The following LIN7A variants were observed in gnomAD, a reference collection of about 807,000 sequenced individuals.
The protein encoded by LIN7A is lin-7 cell polarity scaffold A.
A neutral mutation model predicts 29.8 loss-of-function variants in LIN7A; 25 were observed. The ratio of observed to expected loss-of-function variants is 0.84; its 90% CI spans 0.61 to 1.17. LIN7A has a LOEUF of 1.17. Ranked by LOEUF, LIN7A falls within the 50% of genes most tolerant of loss-of-function variation. LIN7A has a pLI of 0.00. For missense variants in LIN7A, 239 were observed against 287.0 expected, an observed-to-expected ratio of 0.83 and a Z score of 1.21; for synonymous variants, 118 against 107.5, an observed-to-expected ratio of 1.10 and a Z score of -0.60.
At chr12:80,929,001 A>G (rs989526494) in intron 1 of LIN7A, among the ~76,000 whole-genome samples, 2 of 152,144 alleles carry the variant, frequency 1.3e-5, no homozygotes, top group African/African-American at 4.8e-5. Context: ...TTTCTACATT[A>G]TTAATATTAA....
chr12:80,865,864 C>T (rs986646603), intron 2 of LIN7A, among the ~76,000 whole-genome samples: 1 of 152,156 alleles, frequency 6.6e-6, no homozygotes, highest in African/African-American at 2.4e-5. Context: ...CCAGGATTCA[C>T]AATAAGCTGT....
intron 1 of LIN7A, among the ~76,000 whole-genome samples, chr12:80,932,093 G>A (rs986534384): frequency 6.6e-6 from 1 of 152,320 alleles, no homozygotes; most frequent in Non-Finnish European, 1.5e-5. Flanking sequence ...AGTGAATAAA[G>A]CTGATTAGAA....
chr12:80,835,916 C>T (rs541881034), intron 4 of LIN7A, among the ~76,000 whole-genome samples: 1 of 151,902 alleles, frequency 6.6e-6, no homozygotes, highest in South Asian at 2.1e-4. Context: ...GAAAATTGCT[C>T]TTAAGTTGTT....
At chr12:80,863,814 A>T (rs1873997464) in intron 2 of LIN7A, among the ~76,000 whole-genome samples, 1 of 152,184 alleles carries the variant, frequency 6.6e-6, no homozygotes, top group African/African-American at 2.4e-5. Context: ...ATGATGCTTA[A>T]CCATAGGGTA....
intron 4 of LIN7A, among the ~76,000 whole-genome samples, chr12:80,838,619 A>G (rs1330471582): frequency 6.6e-6 from 1 of 152,206 alleles, no homozygotes; most frequent in Non-Finnish European, 1.5e-5. Context: ...TTAGAACTGA[A>G]ATTTCAGCTT....
chr12:80,826,440 C>G (rs138735282), intron 4 of LIN7A, among the ~76,000 whole-genome samples: 226 of 152,228 alleles, frequency 1.5e-3, no homozygotes, highest in Non-Finnish European at 2.8e-3. Flanking sequence ...TGCATCTCAT[C>G]CTCTCCTCCC....
rs117463230 is a variant in LIN7A at position 80,849,101 on chromosome 12, G to A, written c.202-779C>T. 3.1e-3 allele frequency among the ~76,000 whole-genome samples: 466 copies of A among 152,220 alleles called. 1 individual carries two copies. Among genetic ancestry groups the A allele is most frequent in the South Asian group, 8.3e-3 (40 of 4,830 alleles). On this transcript the variant is annotated intron_variant, in intron 2 of 5. Coordinates refer to ENST00000552864, the MANE Select transcript of LIN7A (RefSeq NM_004664.4). ...TGGTTAGAAGGAAATTGACAAAGTA[G>A]TCTGTACTAAAAAGGCAACAGTGCA...
chr12:80,842,212 T>G, intron 4 of LIN7A: 1 of 984,072 alleles, frequency 1.0e-6, no homozygotes, highest in Non-Finnish European at 1.4e-6. Flanking sequence ...CATCACACTT[T>G]ATAACCTAAC....
Position 80,845,713 on chromosome 12 carries a change from T to G in LIN7A, c.483+17A>C. On this transcript the variant is annotated intron_variant, in intron 4 of 5. Transcript: ENST00000552864. ...ATGTGCTTAAGGAGAAAATCTCTGG[T>G]TATTTTATAAACATACCACTCCGTT... is the stretch of plus-strand genomic sequence containing the variant. 1 of 1,592,688 alleles carries G rather than the reference T, an allele frequency of 6.3e-7. No homozygotes were observed. Among genetic ancestry groups the G allele is most frequent in the Non-Finnish European group, 8.5e-7 (1 of 1,170,008 alleles).
intron 4 of LIN7A, among the ~76,000 whole-genome samples, chr12:80,820,772 G>A (rs1398927979): frequency 6.6e-6 from 1 of 152,124 alleles, no homozygotes; most frequent in East Asian, 1.9e-4. Context: ...TTCTTGAGTG[G>A]TGGGTTTCAC....
At chr12:80,810,106 T>C (rs542636283) in intron 5 of LIN7A, among the ~76,000 whole-genome samples, 2 of 152,290 alleles carry the variant, frequency 1.3e-5, no homozygotes, top group African/African-American at 2.4e-5. Flanking sequence ...TAGATCATCT[T>C]AACTTATTCC....
At chr12:80,857,107 T>C (rs905965784) in intron 2 of LIN7A, among the ~76,000 whole-genome samples, 15 of 152,170 alleles carry the variant, frequency 9.9e-5, no homozygotes, top group African/African-American at 3.4e-4. Context: ...CACCTTCTTC[T>C]CTTTCTGCAT....
intron 2 of LIN7A, among the ~76,000 whole-genome samples, chr12:80,877,053 C>G (rs1288039548): frequency 1.4e-5 from 2 of 141,998 alleles, no homozygotes; most frequent in African/African-American, 5.1e-5. Flanking sequence ...GCCCAGGAGG[C>G]AGAGGTTGCA....
Position 80,792,569 on chromosome 12 carries a change from A to G in LIN7A, c.*5158T>C, listed in dbSNP as rs1312647327. On this transcript the variant is annotated 3_prime_UTR_variant, in exon 6 of 6. Transcript: ENST00000552864. ...CCAGCAGCATAATACCACTTTGGTC[A>G]GGTTGAACCACTGCACAATTTTGCA... 6.6e-6 allele frequency: 1 copy of G among 152,220 alleles called. No homozygotes were observed. The highest frequency in any genetic ancestry group is 2.4e-5 in the African/African-American group (1 of 41,470). 9.4% of individuals were successfully genotyped at this position (152,220 alleles called of 1,614,324 possible). A position where few individuals can be genotyped will look rare whatever the true frequency, so the allele number is the denominator to read the frequency against.
At chr12:80,855,104 C>A (rs964712474) in intron 2 of LIN7A, among the ~76,000 whole-genome samples, 1 of 151,798 alleles carries the variant, frequency 6.6e-6, no homozygotes, top group Non-Finnish European at 1.5e-5. Flanking sequence ...ATCATATAAA[C>A]CCCTCTCTAT....
At chr12:80,858,862 T>G (rs2120385692) in intron 2 of LIN7A, among the ~76,000 whole-genome samples, 1 of 152,216 alleles carries the variant, frequency 6.6e-6, no homozygotes, top group African/African-American at 2.4e-5. Flanking sequence ...TAAAATAAGG[T>G]TTACTTTTTA....
At chr12:80,933,947 A>G (rs1490906994) in intron 1 of LIN7A, among the ~76,000 whole-genome samples, 2 of 152,016 alleles carry the variant, frequency 1.3e-5, no homozygotes, top group Non-Finnish European at 2.9e-5. Context: ...GATTTTATTT[A>G]TTTTGTCCAT....
chr12:80,887,640 T>G (rs1166811362), intron 2 of LIN7A, among the ~76,000 whole-genome samples: 1 of 152,242 alleles, frequency 6.6e-6, no homozygotes, highest in South Asian at 2.1e-4. Context: ...ATAATAGAGC[T>G]TCAACATGAC....
At chr12:80,927,190 C>A (rs1424917237) in intron 1 of LIN7A, among the ~76,000 whole-genome samples, 5 of 99,338 alleles carry the variant, frequency 5.0e-5, no homozygotes, top group Admixed American at 1.6e-4. Flanking sequence ...GAGACGGAGT[C>A]TCGCTCCGTC....
Sources: allele counts gnomAD v4.1 joint callset (sites outside exome capture counted in the v4.1 genomes callset), GRCh38; gene constraint gnomAD v4.1.1; transcripts MANE v1.5; gene names NCBI Gene and HGNC (gene_info 2026-07-23, HGNC 2026-07-21).